Variants in EYS observed in about 807,000 individuals in gnomAD.
EYS encodes the protein protein eyes shut homolog.
A neutral mutation model predicts 282.1 loss-of-function variants in EYS; 250 were observed. That is an observed-to-expected ratio of 0.89 (90% CI 0.80 to 0.98). The LOEUF is 0.98. Ranked by LOEUF, EYS falls within the 50% of genes least tolerant of loss-of-function variation. The probability of loss-of-function intolerance (pLI) is 0.00; values close to 1 mark genes in which losing one functional copy is unlikely to be tolerated. For missense variants in EYS, 4,016 were observed against 3,709.0 expected (o/e 1.08, Z -2.15); for synonymous variants, 1,355 against 1,282.9 (o/e 1.06, Z -1.20).
At chr6:64,951,947 A>G (rs114991314) in intron 14 of EYS, among the ~76,000 whole-genome samples, 2,150 of 152,076 alleles carry the variant, frequency 0.014, 50 homozygotes, top group African/African-American at 0.049. Context: ...GATGGCAAAA[A>G]GAGAGTGACC....
At chr6:64,033,454 C>T (rs183789649) in intron 33 of EYS, among the ~76,000 whole-genome samples, 140 of 152,240 alleles carry the variant, frequency 9.2e-4, no homozygotes, top group African/African-American at 3.2e-3. Flanking sequence ...AAATAATTTT[C>T]ATCTCTGAAC....
chr6:64,070,467 G>C lies in EYS; in HGVS notation c.6572-3976C>G, dbSNP rs572350620. ...AATTCTAATTTTTCTTAGACAGCTT[G>C]AGTTTTATCGGCAAAAAATACTATT... On this transcript the variant is annotated intron_variant, in intron 32 of 42. Transcript: ENST00000503581. Among the ~76,000 whole-genome samples, 3 of 152,108 alleles carry C rather than the reference G, an allele frequency of 2.0e-5. No homozygotes were observed. In the South Asian group the frequency reaches 6.2e-4, roughly 32 times the overall value.
At chr6:64,436,337 C>T (rs1774746737) in intron 27 of EYS, 72 bp from the exon 28 acceptor site, 27 of 747,874 alleles carry the variant, frequency 3.6e-5, no homozygotes, top group Non-Finnish European at 4.5e-6. Flanking sequence ...TTGCACTGGA[C>T]TTTATTATTT....
In EYS at chr6:64,531,317, G is replaced by A. The variant is rs573366300; in HGVS notation, c.5644+58906C>T. 5.3e-5 allele frequency among the ~76,000 whole-genome samples: 8 copies of A among 151,832 alleles called. No homozygotes were observed. The South Asian group carries it at 1.5e-3, about 28-fold the overall frequency. ...TTTTATCCCTAGCAGAGAAACAGGA[G>A]AGGATTTTGTAGTACGCCTGGGATA... On this transcript the variant is annotated intron_variant, in intron 26 of 42. Transcript: ENST00000503581.
At chr6:64,287,303 T>C (rs367591184) in intron 30 of EYS, among the ~76,000 whole-genome samples, 3 of 152,190 alleles carry the variant, frequency 2.0e-5, no homozygotes, top group South Asian at 4.1e-4. Context: ...GTTTATGTTC[T>C]ATGATTCTGT....
chr6:65,606,791 AG>A (rs1765811556), intron 2 of EYS, among the ~76,000 whole-genome samples: 1 of 151,876 alleles, frequency 6.6e-6, no homozygotes, highest in South Asian at 2.1e-4. Flanking sequence ...TCTTAAAGCT[AG>A]AAATCTAACC....
At chr6:64,940,282 G>A (rs77762046) in intron 15 of EYS, among the ~76,000 whole-genome samples, 2,367 of 152,056 alleles carry the variant, frequency 0.016, 60 homozygotes, top group African/African-American at 0.054. Flanking sequence ...AACCCTAGGT[G>A]TGTTCCCAGT....
chr6:65,267,296 G>A (rs113201317), intron 12 of EYS, among the ~76,000 whole-genome samples: 1,646 of 151,846 alleles, frequency 0.011, 31 homozygotes, highest in African/African-American at 0.038. Flanking sequence ...CTGTAATAAC[G>A]TTCCACTGAT....
chr6:65,180,723 A>G (rs1273777621), intron 12 of EYS, among the ~76,000 whole-genome samples: 10 of 152,142 alleles, frequency 6.6e-5, no homozygotes, highest in Non-Finnish European at 1.5e-4. Context: ...GTTCATATGG[A>G]ACCAAAAAAG....
At chr6:64,414,066 T>A (rs1330542346) in intron 28 of EYS, among the ~76,000 whole-genome samples, 2 of 152,154 alleles carry the variant, frequency 1.3e-5, no homozygotes, top group African/African-American at 2.4e-5. Flanking sequence ...ACTGTGACAA[T>A]TCATTTTCTG....
intron 40 of EYS, among the ~76,000 whole-genome samples, chr6:63,765,260 C>A (rs1473718011): frequency 6.6e-6 from 1 of 151,954 alleles, no homozygotes; most frequent in Non-Finnish European, 1.5e-5. Flanking sequence ...TCATGGACTT[C>A]TGTATTTTGG....
At chr6:63,721,874 G>T in intron 42 of EYS, 77 bp from the exon 43 acceptor site, 1 of 1,348,178 alleles carries the variant, frequency 7.4e-7, no homozygotes, top group South Asian at 1.5e-5. Context: ...TTCTGGCCAA[G>T]TTGGATAAGT....
intron 36 of EYS, among the ~76,000 whole-genome samples, chr6:63,819,667 G>C (rs910429292): frequency 6.6e-6 from 1 of 152,114 alleles, no homozygotes; most frequent in African/African-American, 2.4e-5. Context: ...AATTTCATAA[G>C]TTCAGTATCT....
intron 5 of EYS, among the ~76,000 whole-genome samples, chr6:65,440,860 T>G (rs143811950): frequency 0.013 from 1,937 of 146,752 alleles, 33 homozygotes; most frequent in South Asian, 0.039. Flanking sequence ...TATATATATA[T>G]AGATTTATAT....
intron 2 of EYS, among the ~76,000 whole-genome samples, chr6:65,557,299 T>C (rs1371767064): frequency 6.6e-6 from 1 of 152,004 alleles, no homozygotes; most frequent in Non-Finnish European, 1.5e-5. Context: ...TGCAGAGTGG[T>C]GAGGAGTGTG....
chr6:64,793,715 C>T (rs1774260902), intron 22 of EYS, among the ~76,000 whole-genome samples: 1 of 151,974 alleles, frequency 6.6e-6, no homozygotes, highest in South Asian at 2.1e-4. Context: ...ACTAAATTTC[C>T]TCTTCTTCAT....
intron 14 of EYS, among the ~76,000 whole-genome samples, chr6:64,947,950 CAAT>C (rs572323797): frequency 9.2e-4 from 140 of 151,758 alleles, no homozygotes; most frequent in African/African-American, 3.1e-3. Flanking sequence ...TTTGATGCCT[CAAT>C]AATATTTTGA....
intron 12 of EYS, among the ~76,000 whole-genome samples, chr6:65,281,181 A>G (rs2150275434): frequency 6.6e-6 from 1 of 151,488 alleles, no homozygotes; most frequent in African/African-American, 2.4e-5. Context: ...ACCACCTCTC[A>G]TTAAGCAACA....
intron 28 of EYS, among the ~76,000 whole-genome samples, chr6:64,394,745 C>A (rs1264290165): frequency 4.6e-5 from 7 of 151,824 alleles, no homozygotes; most frequent in African/African-American, 1.7e-4. Context: ...TCTAAAACAC[C>A]AAAAGCAATG....
Sources: gnomAD v4.1 joint callset for allele counts (sites outside exome capture counted in the v4.1 genomes callset) on GRCh38, gnomAD v4.1.1 for gene constraint, MANE v1.5 for transcripts, NCBI Gene and HGNC (gene_info 2026-07-23, HGNC 2026-07-21) for gene names.